The following DDX39A variants were observed in gnomAD, a reference collection of about 807,000 sequenced individuals.
DDX39A encodes the protein DExD-box helicase 39A.
In DDX39A, 13 loss-of-function variants were observed where a neutral mutation model predicts 46.3. That is an observed-to-expected ratio of 0.28 (90% CI 0.18 to 0.45). The LOEUF (loss-of-function observed/expected upper bound fraction) is 0.45, where lower values mean the gene tolerates loss of function less well. DDX39A is among the 20% of genes least tolerant of loss of function. DDX39A has a pLI of 1.00. For missense variants in DDX39A, 352 were observed against 581.8 expected (o/e 0.61, Z 4.06); for synonymous variants, 234 against 224.6 (o/e 1.04, Z -0.38).
At chr19:14,415,982 C>T (rs73517842) in intron 1 of DDX39A, 16,648 of 158,776 alleles carry the variant, frequency 0.1, 2,056 homozygotes, top group African/African-American at 0.3. Context: ...AGGAGAATCA[C>T]TTGAACCTAG....
chr19:14,412,832 T>C lies in DDX39A; in HGVS notation c.209-154A>G, dbSNP rs1976648781. ...CTGCAGGGCTGGGGTATCCGCCTGGTCAAAGCAGAACGCCCCACTGCCGAG... is the reference window on the plus strand; with the variant it reads ...CTGCAGGGCTGGGGTATCCGCCTGGCCAAAGCAGAACGCCCCACTGCCGAG... On this transcript the variant is annotated intron_variant, in intron 2 of 10. Transcript: ENST00000242776. This position sits in a 1 kb window ranked among gnomAD's most constrained non-coding sequence, Gnocchi z 4.4. 3 of 1,291,364 alleles carry C rather than the reference T, an allele frequency of 2.3e-6. No individual in the cohort carries two copies. The highest frequency in any genetic ancestry group is 1.9e-4 in the Middle Eastern group (1 of 5,238). 80.0% of individuals were successfully genotyped at this position (1,291,364 alleles called of 1,614,324 possible). A position where few individuals can be genotyped will look rare whatever the true frequency, so the allele number is the denominator to read the frequency against.
chr19:14,414,966 TCA>T (rs1369825801), intron 1 of DDX39A, among the ~76,000 whole-genome samples: 1 of 150,154 alleles, frequency 6.7e-6, no homozygotes, highest in Non-Finnish European at 1.5e-5. Flanking sequence ...AAGAAAAGCT[TCA>T]CAGAGATATT....
chr19:14,414,953 A>AG (rs1484365017), intron 1 of DDX39A, among the ~76,000 whole-genome samples: 84 of 151,758 alleles, frequency 5.5e-4, no homozygotes, highest in African/African-American at 1.9e-3. Flanking sequence ...AAAAAAAAAA[A>AG]AAAAGAAAAG....
rs772345654 is a variant in DDX39A at position 14,412,699 on chromosome 19, G to C, written c.209-21C>G. 8 of 1,589,844 alleles carry C rather than the reference G, an allele frequency of 5.0e-6. No individual in the cohort carries two copies. The highest frequency in any genetic ancestry group is 1.7e-6 in the Non-Finnish European group (2 of 1,172,244). ...CTGGACTGCAGGAGAAGCAGAGCGT[G>C]AGGGACGAGAACCTGGATGCACCCC... is the stretch of plus-strand genomic sequence containing the variant. On this transcript the variant is annotated intron_variant, in intron 2 of 10. Transcript: ENST00000242776. The surrounding 1 kb of genome is among the most constrained non-coding windows in gnomAD (Gnocchi z 4.4).
At chr19:14,415,667 T>G (rs1976783210) in intron 1 of DDX39A, among the ~76,000 whole-genome samples, 2 of 152,060 alleles carry the variant, frequency 1.3e-5, no homozygotes, top group Non-Finnish European at 2.9e-5. Context: ...CACTGTCAGC[T>G]GGACATGTAG....
chr19:14,419,043 G>T, intron 1 of DDX39A: 1 of 453,034 alleles, frequency 2.2e-6, no homozygotes, highest in Middle Eastern at 3.3e-4. Flanking sequence ...CCGAGAAGCG[G>T]GCCCCGAGCC....
At position 14,411,126 on chromosome 19, in the gene DDX39A, A is replaced by C. The variant is rs1018856925; in HGVS notation, c.476T>G (p.Val159Gly). 1 of 1,606,696 alleles carries C rather than the reference A, an allele frequency of 6.2e-7. No homozygotes were observed. The highest frequency in any genetic ancestry group is 1.3e-5 in the African/African-American group (1 of 74,462). The change falls in exon 5 of 11, where the codon GTG (valine) becomes GGG (glycine). Residue 159 changes from valine to glycine, a missense_variant. This residue lies in a region of DDX39A where 301 missense variants were observed against 469.9 expected (regional missense o/e 0.64). Coordinates refer to ENST00000242776, the MANE Select transcript of DDX39A (RefSeq NM_005804.4). The surrounding 1 kb of genome is among the most constrained non-coding windows in gnomAD (Gnocchi z 4.1). ...GACATGGGGACAGTTCTTCTTCAAC[A>C]CTTCTTCATCCTTCTTGATGGAGAG... ...GGLSIKKDEE[V>G]LKKNCPHVVV...
At position 14,418,390 on chromosome 19, in the gene DDX39A, C is replaced by A. The variant is rs578215462; in HGVS notation, c.-5+880G>T. ...TGTACCCAGTTACCCTCAAGTGTCC[C>A]CAGGCAGGCTTTCCACCCCGGAGTT... is the stretch of plus-strand genomic sequence containing the variant. On this transcript the variant is annotated intron_variant, in intron 1 of 10. Coordinates refer to ENST00000242776, the MANE Select transcript of DDX39A (RefSeq NM_005804.4). Among the ~76,000 whole-genome samples, 18 of 152,294 alleles carry A rather than the reference C, an allele frequency of 1.2e-4. No homozygotes were observed. The South Asian group carries it at 1.9e-3, about 16-fold the overall frequency.
intron 1 of DDX39A, among the ~76,000 whole-genome samples, chr19:14,413,487 T>C (rs557177270): frequency 6.6e-6 from 1 of 150,800 alleles, no homozygotes; most frequent in Non-Finnish European, 1.5e-5. Context: ...ATCCCAACTC[T>C]CACCACAGGC....
At chr19:14,418,683 A>C (rs919898202) in intron 1 of DDX39A, among the ~76,000 whole-genome samples, 1 of 151,808 alleles carries the variant, frequency 6.6e-6, no homozygotes, top group Non-Finnish European at 1.5e-5. Flanking sequence ...GCTGGTCTCG[A>C]ACTCCTGACC....
chr19:14,409,684 G>A lies in DDX39A; in HGVS notation c.865-39C>T. ...TGGCAGTCAGGGCCACACAGTCCCT[G>A]TGGCCCAGTGACCTCCCGAAGGTCC... On this transcript the variant is annotated intron_variant, in intron 7 of 10. Transcript: ENST00000242776. This position sits in a 1 kb window ranked among gnomAD's most constrained non-coding sequence, Gnocchi z 8.3. The A allele has an allele frequency of 1.9e-6, 3 of 1,611,278 alleles. No individual in the cohort carries two copies. Among genetic ancestry groups the A allele is most frequent in the Non-Finnish European group, 2.5e-6 (3 of 1,177,950 alleles).
intron 1 of DDX39A, chr19:14,418,814 A>C: frequency 7.1e-6 from 3 of 421,232 alleles, no homozygotes; most frequent in Non-Finnish European, 1.4e-5. Flanking sequence ...TCCCGTAAAA[A>C]GTAGACCAAG....
Position 14,412,240 on chromosome 19 carries a change from G to C in DDX39A, c.336+311C>G, listed in dbSNP as rs188202351. ...TGGACACTCTCTAGGTAAGTGGCACGGCAAAACAGCAACGATGCCTCTGGG... is the reference window on the plus strand; with the variant it reads ...TGGACACTCTCTAGGTAAGTGGCACCGCAAAACAGCAACGATGCCTCTGGG... On this transcript the variant is annotated intron_variant, in intron 3 of 10. Coordinates refer to ENST00000242776, the MANE Select transcript of DDX39A (RefSeq NM_005804.4). The surrounding 1 kb of genome is among the most constrained non-coding windows in gnomAD (Gnocchi z 4.4). 1 of 331,204 alleles carries C rather than the reference G, an allele frequency of 3.0e-6. No individual in the cohort carries two copies. Among genetic ancestry groups the C allele is most frequent in the African/African-American group, 2.1e-5 (1 of 47,222 alleles). 20.5% of individuals were successfully genotyped at this position (331,204 alleles called of 1,614,324 possible).
chr19:14,414,337 A>ATTG, intron 1 of DDX39A, among the ~76,000 whole-genome samples: 2 of 99,028 alleles, frequency 2.0e-5, no homozygotes. Flanking sequence ...TATTATTATT[A>ATTG]TTATTATTAT....
In DDX39A at chr19:14,409,725, G is replaced by A; in HGVS notation, c.864+17C>T. The A allele has an allele frequency of 6.2e-7, 1 of 1,614,026 alleles. No homozygotes were observed. The highest frequency in any genetic ancestry group is 8.5e-7 in the Non-Finnish European group (1 of 1,179,934). ...CCGAAGGTCCTGAGCCCCAGGACAG[G>A]CTGATGGAAGTATCACCTGGTTAAA... On this transcript the variant is annotated intron_variant, in intron 7 of 10. Coordinates refer to ENST00000242776, the MANE Select transcript of DDX39A (RefSeq NM_005804.4). This position sits in a 1 kb window ranked among gnomAD's most constrained non-coding sequence, Gnocchi z 8.3.
Position 14,419,262 on chromosome 19 carries a change from C to T in DDX39A, c.-5+8G>A. ...ACCGCGGCCCCGCGCCCGGGATCCG[C>T]TGCTCACCTGGCTCCCCGTTCTTCT... is the stretch of plus-strand genomic sequence containing the variant. On this transcript the variant is annotated splice_region_variant and intron_variant, in intron 1 of 10. Transcript: ENST00000242776. The T allele has an allele frequency of 1.1e-5, 3 of 277,370 alleles. No homozygotes were observed. Among genetic ancestry groups the T allele is most frequent in the Non-Finnish European group, 1.4e-5 (2 of 138,904 alleles). 17.2% of individuals were successfully genotyped at this position (277,370 alleles called of 1,614,324 possible). A position where few individuals can be genotyped will look rare whatever the true frequency, so the allele number is the denominator to read the frequency against.
At chr19:14,419,138 C>T in intron 1 of DDX39A, 132 bp downstream of exon 1, 2 of 364,120 alleles carry the variant, frequency 5.5e-6, no homozygotes, top group South Asian at 3.9e-5. Context: ...TCTGACACAC[C>T]AACCGCCCCG....
At position 14,409,514 on chromosome 19, in the gene DDX39A, T is replaced by A. The variant is rs371297874; in HGVS notation, c.974+22A>T. 1 of 1,609,638 alleles carries A rather than the reference T, an allele frequency of 6.2e-7. No homozygotes were observed. The highest frequency in any genetic ancestry group is 8.5e-7 in the Non-Finnish European group (1 of 1,178,638). On this transcript the variant is annotated intron_variant, in intron 8 of 10. Transcript: ENST00000242776. This position sits in a 1 kb window ranked among gnomAD's most constrained non-coding sequence, Gnocchi z 8.3. The stretch of plus-strand genomic sequence containing the variant: ...GCTCCTGGTGGTGCTCCCTGCAGCC[T>A]TGGCGGGCGGCTCGCACTCACCGCT...
chr19:14,416,071 CA>C (rs796666667), intron 1 of DDX39A: 28 of 137,146 alleles, frequency 2.0e-4, no homozygotes, highest in South Asian at 1.1e-3. Flanking sequence ...GACTCTGTCT[CA>C]AAAAAAAAAA....
Sources: gnomAD v4.1 joint callset for allele counts (sites outside exome capture counted in the v4.1 genomes callset) on GRCh38, gnomAD v4.1.1 for gene constraint, gnomAD v4.1.1 regional missense constraint, Gnocchi (gnomAD v3.1) non-coding constraint, MANE v1.5 for transcripts, NCBI Gene and HGNC (gene_info 2026-07-23, HGNC 2026-07-21) for gene names.